FHIT: variants seen among roughly 807,000 people sequenced by gnomAD.
FHIT encodes the protein bis(5'-adenosyl)-triphosphatase.
In FHIT, 19 loss-of-function variants were observed where a neutral mutation model predicts 17.9. That is an observed-to-expected ratio of 1.06 (90% CI 0.74 to 1.56). The LOEUF is 1.56. Among genes scored for constraint, FHIT ranks in the 40% most tolerant of loss-of-function variants. The pLI, the probability that FHIT is intolerant of heterozygous loss-of-function variation, is 0.00. For missense variants in FHIT, 248 were observed against 189.2 expected, an observed-to-expected ratio of 1.31 and a Z score of -1.82; for synonymous variants, 81 against 69.7, an observed-to-expected ratio of 1.16 and a Z score of -0.81.
At chr3:60,046,349 C>T (rs1273450457) in intron 5 of FHIT, among the ~76,000 whole-genome samples, 6 of 152,190 alleles carry the variant, frequency 3.9e-5, no homozygotes, top group Non-Finnish European at 5.9e-5. Context: ...TCAGGAAGCA[C>T]GGTCAACCAG....
At chr3:60,986,585 A>G (rs1404802425) in intron 3 of FHIT, among the ~76,000 whole-genome samples, 1 of 152,142 alleles carries the variant, frequency 6.6e-6, no homozygotes, top group Non-Finnish European at 1.5e-5. Context: ...CCCAAATTTC[A>G]AATTTCTCTA....
At chr3:60,768,102 C>G (rs540482801) in intron 4 of FHIT, among the ~76,000 whole-genome samples, 21 of 152,296 alleles carry the variant, frequency 1.4e-4, no homozygotes, top group Non-Finnish European at 2.5e-4. Flanking sequence ...TATTATAACC[C>G]CACTCAAGGT....
At chr3:60,922,387 C>A (rs551084523) in intron 3 of FHIT, among the ~76,000 whole-genome samples, 14 of 152,294 alleles carry the variant, frequency 9.2e-5, no homozygotes, top group African/African-American at 3.4e-4. Flanking sequence ...GGGTGCTTGG[C>A]AAATCAGCCC....
At chr3:60,613,398 G>A (rs144131240) in intron 4 of FHIT, among the ~76,000 whole-genome samples, 1 of 152,190 alleles carries the variant, frequency 6.6e-6, no homozygotes, top group Non-Finnish European at 1.5e-5. Context: ...GGGCTGGGGA[G>A]TAAGGTAGAC....
intron 2 of FHIT, among the ~76,000 whole-genome samples, chr3:61,092,253 T>C (rs1361588907): frequency 6.6e-6 from 1 of 152,054 alleles, no homozygotes; most frequent in African/African-American, 2.4e-5. Flanking sequence ...AAAAATCTAC[T>C]TTATAACTCA....
intron 4 of FHIT, among the ~76,000 whole-genome samples, chr3:60,803,898 C>A (rs1440177472): frequency 1.3e-5 from 2 of 151,808 alleles, no homozygotes; most frequent in Non-Finnish European, 3.0e-5. Flanking sequence ...TAGCATGGTC[C>A]ATTTTAAAAA....
chr3:60,523,022 A>G (rs11719552), intron 5 of FHIT, among the ~76,000 whole-genome samples: 2 of 152,098 alleles, frequency 1.3e-5, no homozygotes, highest in African/African-American at 4.8e-5. Context: ...AAAAGGAAAA[A>G]TGAGAGCCAA....
chr3:60,286,903 C>A (rs1559790663), intron 5 of FHIT, among the ~76,000 whole-genome samples: 2 of 151,494 alleles, frequency 1.3e-5, no homozygotes, highest in African/African-American at 4.8e-5. Flanking sequence ...CTCTTCCCTG[C>A]AAAAAAAAGT....
At chr3:60,833,160 G>A (rs1197973417) in intron 3 of FHIT, among the ~76,000 whole-genome samples, 1 of 152,048 alleles carries the variant, frequency 6.6e-6, no homozygotes, top group African/African-American at 2.4e-5. Flanking sequence ...CCATCATATT[G>A]TCTTTCACTT....
intron 4 of FHIT, among the ~76,000 whole-genome samples, chr3:60,552,471 C>A (rs1375392127): frequency 1.3e-5 from 2 of 152,188 alleles, no homozygotes; most frequent in Admixed American, 1.3e-4. Context: ...AAGTCCTCCA[C>A]ATTCCTCACC....
At chr3:59,840,031 CA>C (rs1164515428) in intron 8 of FHIT, among the ~76,000 whole-genome samples, 3 of 152,212 alleles carry the variant, frequency 2.0e-5, no homozygotes, top group African/African-American at 7.2e-5. Flanking sequence ...TCTAAGTAGC[CA>C]GGCTACAGTG....
chr3:60,507,828 T>C (rs576677061), intron 5 of FHIT, among the ~76,000 whole-genome samples: 90 of 152,316 alleles, frequency 5.9e-4, no homozygotes, highest in African/African-American at 2.1e-3. Context: ...TCCAGCTCCA[T>C]CCATGTCCTT....
chr3:60,231,203 G>A (rs1452366568), intron 5 of FHIT, among the ~76,000 whole-genome samples: 1 of 152,060 alleles, frequency 6.6e-6, no homozygotes, highest in Non-Finnish European at 1.5e-5. Context: ...CTCCTTCTTT[G>A]CAGATATATA....
intron 4 of FHIT, chr3:60,690,530 C>T (rs1391787739): frequency 2.1e-5 from 12 of 559,392 alleles, no homozygotes; most frequent in Non-Finnish European, 4.0e-5. Flanking sequence ...AAGTCACCAC[C>T]CTGACATACA....
At chr3:60,943,119 C>T (rs782360819) in intron 3 of FHIT, among the ~76,000 whole-genome samples, 3 of 152,096 alleles carry the variant, frequency 2.0e-5, no homozygotes, top group Non-Finnish European at 2.9e-5. Flanking sequence ...TTTGTCCAAG[C>T]TAACCGGTTA....
Position 60,559,491 on chromosome 3 carries a change from C to A in FHIT, c.-17-22512G>T, listed in dbSNP as rs141031521. On this transcript the variant is annotated intron_variant, in intron 4 of 9. Transcript: ENST00000492590. ...CTCTTGCCTTGATGCACTTTTCCAG[C>A]ACTTTCTCATTTAATAAGGTTTTTA... Among the ~76,000 whole-genome samples, 168 of 152,256 alleles carry A rather than the reference C, an allele frequency of 1.1e-3. 3 individuals are homozygous for A. Among genetic ancestry groups the A allele is most frequent in the African/African-American group, 3.6e-3 (148 of 41,544 alleles).
chr3:59,799,667 C>T (rs2629891), intron 8 of FHIT, among the ~76,000 whole-genome samples: 123,341 of 151,810 alleles, frequency 0.81, 50,280 homozygotes, highest in Middle Eastern at 0.9. Context: ...GAGAAGAGAC[C>T]CTTTCTTCCA....
In FHIT at chr3:61,031,861, T is replaced by C. The variant is rs1401834360; in HGVS notation, c.-111+10186A>G. The stretch of plus-strand genomic sequence containing the variant: ...CCCTGAGGACCACCACCAACTGTGA[T>C]CCAGCCAGAATTCTGGCAGGAAAAT... On this transcript the variant is annotated intron_variant, in intron 3 of 9. Transcript: ENST00000492590. Among the ~76,000 whole-genome samples the C allele has an allele frequency of 6.0e-4, 91 of 152,214 alleles. 2 individuals are homozygous for C. Among genetic ancestry groups the C allele is most frequent in the Admixed American group, 6.0e-3 (91 of 15,282 alleles).
At chr3:60,421,515 G>A (rs925685704) in intron 5 of FHIT, among the ~76,000 whole-genome samples, 3 of 151,864 alleles carry the variant, frequency 2.0e-5, no homozygotes, top group Non-Finnish European at 4.4e-5. Flanking sequence ...TTTCATCCAT[G>A]AACTGAAAAC....
Sources: gnomAD v4.1 joint callset for allele counts (sites outside exome capture counted in the v4.1 genomes callset) on GRCh38, gnomAD v4.1.1 for gene constraint, MANE v1.5 for transcripts, NCBI Gene and HGNC (gene_info 2026-07-23, HGNC 2026-07-21) for gene names.